Variants in NCAM2 observed in about 807,000 individuals in gnomAD.
NCAM2 encodes the protein neural cell adhesion molecule 2.
Under a neutral mutation model 98.1 loss-of-function variants are expected in NCAM2, and 30 were observed. That is an observed-to-expected ratio of 0.31 (90% CI 0.23 to 0.41). NCAM2 has a LOEUF of 0.41. Ranked by LOEUF, NCAM2 falls within the 10% of genes least tolerant of loss-of-function variation. NCAM2 has a pLI of 1.00. For missense variants in NCAM2, 867 were observed against 1,005.8 expected (o/e 0.86, Z 1.87); for synonymous variants, 368 against 342.4 (o/e 1.07, Z -0.83).
chr21:21,342,982 G>A (rs879906987), intron 8 of NCAM2, among the ~76,000 whole-genome samples: 1 of 152,130 alleles, frequency 6.6e-6, no homozygotes, highest in Non-Finnish European at 1.5e-5. Context: ...GCATGCCCGT[G>A]CAAGGGCTTC....
intron 12 of NCAM2, among the ~76,000 whole-genome samples, chr21:21,465,143 G>T (rs1036328837): frequency 6.6e-6 from 1 of 151,982 alleles, no homozygotes; most frequent in African/African-American, 2.4e-5. Context: ...AGTAATGTCT[G>T]GTTGATATGT....
At position 21,466,424 on chromosome 21, in the gene NCAM2, A is replaced by G. The variant is rs575679388; in HGVS notation, c.1655-182A>G. Among the ~76,000 whole-genome samples, 168 of 152,120 alleles carry G rather than the reference A, an allele frequency of 1.1e-3. 1 individual carries two copies. Among genetic ancestry groups the G allele is most frequent in the African/African-American group, 3.9e-3 (161 of 41,562 alleles). On this transcript the variant is annotated intron_variant, in intron 12 of 17. Coordinates refer to ENST00000400546, the MANE Select transcript of NCAM2 (RefSeq NM_004540.5). Reference sequence around the variant, plus strand: ...TAAAATAGAGGTGAAGAAGAGAACTATTCACAAATCAGTTTCTTCTTATAT... The same window carrying G: ...TAAAATAGAGGTGAAGAAGAGAACTGTTCACAAATCAGTTTCTTCTTATAT...
intron 1 of NCAM2, among the ~76,000 whole-genome samples, chr21:21,074,789 G>C (rs960333435): frequency 6.6e-6 from 1 of 152,024 alleles, no homozygotes; most frequent in Non-Finnish European, 1.5e-5. Flanking sequence ...TTTTGTGACA[G>C]AATCAATGCA....
At chr21:21,117,027 A>G (rs1290814990) in intron 1 of NCAM2, among the ~76,000 whole-genome samples, 1 of 152,180 alleles carries the variant, frequency 6.6e-6, no homozygotes, top group East Asian at 1.9e-4. Flanking sequence ...TTGAAGAAAA[A>G]GGATTATGTA....
At chr21:21,481,343 C>T (rs943891423) in intron 15 of NCAM2, among the ~76,000 whole-genome samples, 4 of 152,076 alleles carry the variant, frequency 2.6e-5, no homozygotes, top group South Asian at 4.1e-4. Flanking sequence ...AAAACAGGAG[C>T]GTAGTATCTT....
chr21:21,538,100 AC>A lies in NCAM2; in HGVS notation c.*144del. 4.9e-6 allele frequency: 2 copies of A among 409,150 alleles called. No individual in the cohort carries two copies. The highest frequency in any genetic ancestry group is 8.9e-6 in the Non-Finnish European group (2 of 224,172). 25.3% of individuals were successfully genotyped at this position (409,150 alleles called of 1,614,324 possible). A position where few individuals can be genotyped will look rare whatever the true frequency, so the allele number is the denominator to read the frequency against. The stretch of plus-strand genomic sequence containing the variant: ...TGTACACATATACATATGATCAAAT[AC>A]TCCTGCCCATGATCCATTCCCTTTT... On this transcript the variant is annotated 3_prime_UTR_variant, in exon 18 of 18. Transcript: ENST00000400546.
chr21:21,065,181 A>AAAAAAAC (rs937029532), intron 1 of NCAM2, among the ~76,000 whole-genome samples: 2 of 152,216 alleles, frequency 1.3e-5, no homozygotes, highest in Admixed American at 6.5e-5. Context: ...CTCTCTCTCA[A>AAAAAAAC]AAAAAACAAA....
intron 1 of NCAM2, among the ~76,000 whole-genome samples, chr21:21,189,569 A>G (rs2068751619): frequency 6.6e-6 from 1 of 152,194 alleles, no homozygotes; most frequent in Admixed American, 6.5e-5. Flanking sequence ...CTATTTAAAA[A>G]ATAAATAAAA....
intron 1 of NCAM2, among the ~76,000 whole-genome samples, chr21:21,274,230 A>G (rs1182929051): frequency 6.6e-6 from 1 of 152,142 alleles, no homozygotes; most frequent in Non-Finnish European, 1.5e-5. Flanking sequence ...AATAGCAGGG[A>G]CATCTATTTT....
chr21:21,138,234 G>A (rs1004700021), intron 1 of NCAM2, among the ~76,000 whole-genome samples: 5 of 152,110 alleles, frequency 3.3e-5, no homozygotes, highest in Non-Finnish European at 7.3e-5. Flanking sequence ...GAAGAAAAAC[G>A]TCCTTACTAG....
intron 9 of NCAM2, among the ~76,000 whole-genome samples, chr21:21,400,338 C>G (rs1455930849): frequency 6.6e-6 from 1 of 152,160 alleles, no homozygotes; most frequent in Non-Finnish European, 1.5e-5. Flanking sequence ...CATTAGGGAT[C>G]ATTTCATTGT....
intron 1 of NCAM2, among the ~76,000 whole-genome samples, chr21:21,221,689 A>G (rs1222284774): frequency 6.6e-6 from 1 of 152,196 alleles, no homozygotes; most frequent in South Asian, 2.1e-4. Flanking sequence ...AGGCTGGCAC[A>G]TGGAATTTTT....
chr21:21,063,646 T>G (rs2065370262), intron 1 of NCAM2, among the ~76,000 whole-genome samples: 1 of 152,092 alleles, frequency 6.6e-6, no homozygotes, highest in African/African-American at 2.4e-5. Context: ...TGTAGAACTT[T>G]CGAAAGAAAA....
chr21:21,030,838 T>G (rs1159216492), intron 1 of NCAM2, among the ~76,000 whole-genome samples: 1 of 152,160 alleles, frequency 6.6e-6, no homozygotes, highest in African/African-American at 2.4e-5. Flanking sequence ...AAAAGTTAGA[T>G]TATACAGAAA....
At chr21:21,150,117 A>G (rs945860037) in intron 1 of NCAM2, among the ~76,000 whole-genome samples, 1 of 152,074 alleles carries the variant, frequency 6.6e-6, no homozygotes, top group African/African-American at 2.4e-5. Context: ...TTTTTTTCTA[A>G]ATATTTTGTG....
At chr21:21,420,729 A>G (rs2077093910) in intron 11 of NCAM2, among the ~76,000 whole-genome samples, 1 of 152,006 alleles carries the variant, frequency 6.6e-6, no homozygotes, top group Non-Finnish European at 1.5e-5. Flanking sequence ...TTCAGGTTTT[A>G]CTGCATTGAT....
chr21:21,054,914 G>A lies in NCAM2; in HGVS notation c.55+56296G>A, dbSNP rs538750059. Among the ~76,000 whole-genome samples the A allele has an allele frequency of 8.6e-4, 130 of 151,956 alleles. 1 individual carries two copies. Among genetic ancestry groups the A allele is most frequent in the African/African-American group, 3.1e-3 (129 of 41,510 alleles). On this transcript the variant is annotated intron_variant, in intron 1 of 17. Coordinates refer to ENST00000400546, the MANE Select transcript of NCAM2 (RefSeq NM_004540.5). ...TTTTTAAATACTTCCTTAGAATGAA[G>A]TTTTCTTATATGTAGAAACGAAGTT...
At chr21:21,407,181 A>C (rs1257361893) in intron 9 of NCAM2, among the ~76,000 whole-genome samples, 3 of 152,194 alleles carry the variant, frequency 2.0e-5, no homozygotes, top group Admixed American at 6.6e-5. Flanking sequence ...CCCAGTACCA[A>C]GTTGTTAATT....
At chr21:21,358,615 A>G (rs2147980417) in intron 8 of NCAM2, among the ~76,000 whole-genome samples, 1 of 152,178 alleles carries the variant, frequency 6.6e-6, no homozygotes, top group South Asian at 2.1e-4. Context: ...CATATGACTC[A>G]TGTCTTCCTA....
Sources: allele counts gnomAD v4.1 joint callset (sites outside exome capture counted in the v4.1 genomes callset), GRCh38; gene constraint gnomAD v4.1.1; transcripts MANE v1.5; gene names NCBI Gene and HGNC (gene_info 2026-07-23, HGNC 2026-07-21).